Variants in DYNC2I1 observed in about 807,000 individuals in gnomAD.
DYNC2I1 encodes cytoplasmic dynein 2 intermediate chain 1.
DYNC2I1 carries 89 observed loss-of-function variants against 133.4 expected under a neutral mutation model. That is an observed-to-expected ratio of 0.67 (90% CI 0.56 to 0.80). The LOEUF (loss-of-function observed/expected upper bound fraction) is 0.80. Among genes scored for constraint, DYNC2I1 ranks in the 30% least tolerant of loss-of-function variants. The pLI, the probability that DYNC2I1 is intolerant of heterozygous loss-of-function variation, is 0.00. For synonymous variants in DYNC2I1, 504 were observed against 484.3 expected (o/e 1.04, Z -0.54); for missense variants, 1,291 against 1,314.5 (o/e 0.98, Z 0.28).
At position 158,862,899 on chromosome 7, in the gene DYNC2I1, C is replaced by T. The variant is rs186892988; in HGVS notation, c.15+6149C>T. 5.3e-5 allele frequency among the ~76,000 whole-genome samples: 8 copies of T among 151,964 alleles called. No individual in the cohort carries two copies. The East Asian group carries it at 1.4e-3, about 26-fold the overall frequency. On this transcript the variant is annotated intron_variant, in intron 1 of 24. Transcript: ENST00000407559. The stretch of plus-strand genomic sequence containing the variant: ...CAGACCTTCGCAGTGAGCGTTACAG[C>T]TCTTAAAGATGGCGCATCTGGAGTT...
chr7:158,891,214 C>A, intron 7 of DYNC2I1, 51 bp from the exon 8 acceptor site: 1 of 1,606,080 alleles, frequency 6.2e-7, no homozygotes. Flanking sequence ...TGGCGTGTGC[C>A]CTGGAGTCCC....
chr7:158,932,698 G>A (rs972245592), intron 21 of DYNC2I1, among the ~76,000 whole-genome samples: 2 of 152,296 alleles, frequency 1.3e-5, no homozygotes, highest in South Asian at 4.1e-4. Flanking sequence ...ACAGAGGAAG[G>A]GAGGCTGGAG....
intron 6 of DYNC2I1, among the ~76,000 whole-genome samples, chr7:158,885,363 A>G (rs1246415879): frequency 6.8e-6 from 1 of 147,414 alleles, no homozygotes; most frequent in Non-Finnish European, 1.5e-5. Flanking sequence ...TTTTTTTGAG[A>G]CAGAGTCTCA....
At chr7:158,953,845 T>C (rs1422053684) in intron 4 of DYNC2I1, among the ~76,000 whole-genome samples, 2 of 151,856 alleles carry the variant, frequency 1.3e-5, no homozygotes, top group East Asian at 3.9e-4. Flanking sequence ...ATGGCATATA[T>C]GTTATATATA....
At chr7:158,911,737 C>T in intron 12 of DYNC2I1, 58 bp downstream of exon 12, 5 of 1,532,462 alleles carry the variant, frequency 3.3e-6, no homozygotes, top group Non-Finnish European at 4.4e-6. Flanking sequence ...AGTAGGATAA[C>T]TTTGTGTCTT....
At chr7:158,882,938 C>T (rs1326700711) in intron 5 of DYNC2I1, among the ~76,000 whole-genome samples, 1 of 150,930 alleles carries the variant, frequency 6.6e-6, no homozygotes, top group Non-Finnish European at 1.5e-5. Context: ...GAATGGGGAT[C>T]GAGCATTGTA....
At position 158,922,377 on chromosome 7, in the gene DYNC2I1, A is replaced by G. The variant is rs764467924; in HGVS notation, c.1922A>G (p.Asn641Ser). ...GTGAACATATTTTTCTTCTCCCTAG[A>G]TCGAAAAGTATCCTCCTTGCACACC... ...QLNTSLPFLQ[N>S]RKVSSLHTSR... Residue 641 changes from asparagine to serine, a missense_variant and splice_region_variant, in exon 16 of 25, where the codon AAT (asparagine) becomes AGT (serine). By Grantham distance (46) the Asn-to-Ser change is conservative. Transcript: ENST00000407559. 2.5e-6 allele frequency: 4 copies of G among 1,612,710 alleles called. No individual in the cohort carries two copies. Among genetic ancestry groups the G allele is most frequent in the Non-Finnish European group, 2.5e-6 (3 of 1,179,458 alleles).
At chr7:158,892,042 CAG>C (rs1845278922) in intron 8 of DYNC2I1, among the ~76,000 whole-genome samples, 1 of 152,142 alleles carries the variant, frequency 6.6e-6, no homozygotes, top group South Asian at 2.1e-4. Flanking sequence ...TGTTCCTTCT[CAG>C]GGGTGCGTGC....
downstream of DYNC2I1, among the ~76,000 whole-genome samples, chr7:158,948,446 T>C (rs1480984677): frequency 6.6e-6 from 1 of 152,250 alleles, no homozygotes; most frequent in African/African-American, 2.4e-5. Context: ...ATTAAAACGT[T>C]CGTTACCTCA....
In DYNC2I1 at chr7:158,934,483, A is replaced by G. The variant is rs1171939031; in HGVS notation, c.2712A>G (p.Gln904=). ...CTCCCAAACTATTCAAACCTCAGCA[A>G]CATGGTATAAGACCAGTGAAAGTTA... ...RVAPKLFKPQ[Q]HGIRPVKVNV... is the part of the protein sequence containing the mutation. Residue 904 remains glutamine, a synonymous_variant, in exon 23 of 25, where the codon CAA becomes CAG. Transcript: ENST00000407559. 3 of 1,582,130 alleles carry G rather than the reference A, an allele frequency of 1.9e-6. No homozygotes were observed. Among genetic ancestry groups the G allele is most frequent in the East Asian group, 2.3e-5 (1 of 43,800 alleles).
At chr7:158,942,221 C>T in intron 24 of DYNC2I1, 73 bp downstream of exon 24, 1 of 1,238,130 alleles carries the variant, frequency 8.1e-7, no homozygotes, top group Non-Finnish European at 1.1e-6. Flanking sequence ...TACGGTCTTT[C>T]TTCATTAATT....
At chr7:158,921,490 GAGAA>G (rs1299482636) in intron 15 of DYNC2I1, among the ~76,000 whole-genome samples, 1 of 152,178 alleles carries the variant, frequency 6.6e-6, no homozygotes, top group East Asian at 1.9e-4. Context: ...CACAGCACTC[GAGAA>G]CCTCATCCCA....
At chr7:158,843,811 C>T in the DYNC2I1 span, among the ~76,000 whole-genome samples, 1 of 152,152 alleles carries the variant, frequency 6.6e-6, no homozygotes, top group East Asian at 1.9e-4. Flanking sequence ...GAAAAAGAGA[C>T]ACAAGTTACA....
Position 158,945,640 on chromosome 7 carries a change from T to C in DYNC2I1, c.3062T>C (p.Leu1021Pro). ...AAGGCTGGTGGCAGCTTCCTGGCCC[T>C]GGTGCTGGCCAGGGCGTCTGGCTCC... ...PEKAGGSFLA[L>P]VLARASGSID... The change falls in exon 25 of 25, where the codon CTG (leucine) becomes CCG (proline). Residue 1021 changes from leucine (L) to proline (P), a missense_variant. Physicochemically the swap from Leu to Pro is moderately conservative, Grantham distance 98 (BLOSUM62 -3). Transcript: ENST00000407559. The surrounding 1 kb of genome is among the most constrained non-coding windows in gnomAD (Gnocchi z 4.1). 6 of 1,611,742 alleles carry C rather than the reference T, an allele frequency of 3.7e-6. No individual in the cohort carries two copies. Among genetic ancestry groups the C allele is most frequent in the Non-Finnish European group, 5.1e-6 (6 of 1,179,140 alleles).
rs186041420 is a variant in DYNC2I1, at chr7:158,920,073, G to T, written c.1921+1204G>T. ...CGGGGAACACGTGAAGTGTGTGTGTGTATGGCAGCGCCGGGCCTCCGTCGG... is the reference window on the plus strand; with the variant it reads ...CGGGGAACACGTGAAGTGTGTGTGTTTATGGCAGCGCCGGGCCTCCGTCGG... On this transcript the variant is annotated intron_variant, in intron 15 of 24. Transcript: ENST00000407559. Among the ~76,000 whole-genome samples, 757 of 147,488 alleles carry T rather than the reference G, an allele frequency of 5.1e-3. 8 individuals carry two copies. The highest frequency in any genetic ancestry group is 0.018 in the African/African-American group (725 of 39,814).
At chr7:158,847,139 T>C in the DYNC2I1 span, among the ~76,000 whole-genome samples, 1 of 152,194 alleles carries the variant, frequency 6.6e-6, no homozygotes, top group Non-Finnish European at 1.5e-5. Flanking sequence ...TAAGATTAAT[T>C]TGGTAAATTT....
At chr7:158,893,070 C>T (rs543352279) in intron 8 of DYNC2I1, among the ~76,000 whole-genome samples, 1 of 152,156 alleles carries the variant, frequency 6.6e-6, no homozygotes, top group East Asian at 1.9e-4. Flanking sequence ...GTTGATGAGC[C>T]TACGTTGATG....
intron 14 of DYNC2I1, among the ~76,000 whole-genome samples, chr7:158,914,585 C>T (rs1296388236): frequency 1.3e-5 from 2 of 152,090 alleles, no homozygotes; most frequent in African/African-American, 2.4e-5. Flanking sequence ...TAATTTCTTA[C>T]ATTTTAAAAC....
At chr7:158,933,057 A>C (rs1256951524) in intron 21 of DYNC2I1, among the ~76,000 whole-genome samples, 1 of 151,778 alleles carries the variant, frequency 6.6e-6, no homozygotes, top group Non-Finnish European at 1.5e-5. Context: ...AGATGGAGGT[A>C]AGGATTTGGG....
Sources: gnomAD v4.1 joint callset for allele counts (sites outside exome capture counted in the v4.1 genomes callset) on GRCh38, gnomAD v4.1.1 for gene constraint, Gnocchi (gnomAD v3.1) non-coding constraint, MANE v1.5 for transcripts, NCBI Gene and HGNC (gene_info 2026-07-23, HGNC 2026-07-21) for gene names.